The following CAMTA1 variants were observed in gnomAD, a reference collection of about 807,000 sequenced individuals.
The protein encoded by CAMTA1 is calmodulin-binding transcription activator 1.
In CAMTA1, 27 loss-of-function variants were observed where a neutral mutation model predicts 170.9. That is an observed-to-expected ratio of 0.16 (90% CI 0.12 to 0.22). The LOEUF is 0.22. Among genes scored for constraint, CAMTA1 ranks in the 10% least tolerant of loss-of-function variants. CAMTA1 has a pLI of 1.00. For missense variants in CAMTA1, 1,619 were observed against 2,217.2 expected (o/e 0.73, Z 5.42); for synonymous variants, 833 against 891.5 (o/e 0.93, Z 1.17).
chr1:6,798,966 G>C (rs994264261), intron 1 of CAMTA1, among the ~76,000 whole-genome samples: 1 of 152,178 alleles, frequency 6.6e-6, no homozygotes, highest in African/African-American at 2.4e-5. Context: ...TAGCTGTGAA[G>C]GCTTTGCACT....
chr1:7,193,550 CATG>C (rs1266397966), intron 4 of CAMTA1, among the ~76,000 whole-genome samples: 3 of 151,572 alleles, frequency 2.0e-5, no homozygotes, highest in Non-Finnish European at 4.4e-5. Context: ...TCATCAGAAA[CATG>C]AGGGGAGGGG....
At chr1:7,683,606 A>G (rs751482958) in intron 11 of CAMTA1, among the ~76,000 whole-genome samples, 6 of 151,918 alleles carry the variant, frequency 3.9e-5, no homozygotes, top group Non-Finnish European at 5.9e-5. Context: ...TGGTTAGCGC[A>G]TGGGCCCCTG....
At chr1:6,812,188 T>C (rs1645249948) in intron 1 of CAMTA1, among the ~76,000 whole-genome samples, 1 of 152,214 alleles carries the variant, frequency 6.6e-6, no homozygotes, top group Admixed American at 6.5e-5. Flanking sequence ...GAAGCGTTGC[T>C]GCATTATTAG....
chr1:7,221,167 A>G (rs1660694633), intron 4 of CAMTA1, among the ~76,000 whole-genome samples: 1 of 152,000 alleles, frequency 6.6e-6, no homozygotes, highest in South Asian at 2.1e-4. Context: ...GACCTTAGGC[A>G]GCAGGAATAC....
At chr1:7,749,666 G>GC in intron 19 of CAMTA1, 2 of 311,590 alleles carry the variant, frequency 6.4e-6, no homozygotes, top group Non-Finnish European at 1.2e-5. Flanking sequence ...TAGCCAGGTT[G>GC]CCTTTTTTTT....
At chr1:6,890,345 C>A (rs1229836064) in intron 3 of CAMTA1, among the ~76,000 whole-genome samples, 1 of 152,190 alleles carries the variant, frequency 6.6e-6, no homozygotes, top group Non-Finnish European at 1.5e-5. Flanking sequence ...CCATGAGGAA[C>A]CAGGACATCC....
chr1:7,044,464 A>C lies in CAMTA1; in HGVS notation c.235-46840A>C, dbSNP rs931405264. On this transcript the variant is annotated intron_variant, in intron 3 of 22. Coordinates refer to ENST00000303635, the MANE Select transcript of CAMTA1 (RefSeq NM_015215.4). The surrounding 1 kb of genome is among the most constrained non-coding windows in gnomAD (Gnocchi z 5.0). Reference sequence around the variant, plus strand: ...GCAGGGCAGTGCCACTGGGACCCAGATCATGCCCCTCTGCATGTAACCGAT... The same window carrying C: ...GCAGGGCAGTGCCACTGGGACCCAGCTCATGCCCCTCTGCATGTAACCGAT... Among the ~76,000 whole-genome samples, 3 of 152,172 alleles carry C rather than the reference A, an allele frequency of 2.0e-5. No individual in the cohort carries two copies.
chr1:6,877,171 C>T (rs1670144431), intron 3 of CAMTA1, among the ~76,000 whole-genome samples: 1 of 152,196 alleles, frequency 6.6e-6, no homozygotes, highest in African/African-American at 2.4e-5. Flanking sequence ...GTTGGAGAAA[C>T]AGTCAAAGTA....
chr1:7,301,546 C>T lies in CAMTA1; in HGVS notation c.438+51920C>T, dbSNP rs55726022. ...GTGCTGGTGCCTTGGGCTCAGCCAG[C>T]CCCTCAGATGACTTGTGTGGAGCCA... is the stretch of plus-strand genomic sequence containing the variant. On this transcript the variant is annotated intron_variant, in intron 5 of 22. Coordinates refer to ENST00000303635, the MANE Select transcript of CAMTA1 (RefSeq NM_015215.4). Among the ~76,000 whole-genome samples, 1,380 of 152,098 alleles carry T rather than the reference C, an allele frequency of 9.1e-3. 6 individuals carry two copies. Among genetic ancestry groups the T allele is most frequent in the Non-Finnish European group, 0.015 (1,040 of 68,002 alleles).
At chr1:7,141,155 G>A (rs751613661) in intron 4 of CAMTA1, among the ~76,000 whole-genome samples, 2 of 152,228 alleles carry the variant, frequency 1.3e-5, no homozygotes, top group South Asian at 2.1e-4. Flanking sequence ...CCTTTGGTTG[G>A]TCATACCTTC....
intron 3 of CAMTA1, among the ~76,000 whole-genome samples, chr1:7,012,749 A>G (rs1191527354): frequency 6.7e-6 from 1 of 148,274 alleles, no homozygotes; most frequent in Non-Finnish European, 1.5e-5. Flanking sequence ...GTTTCCCCCC[A>G]CTCTGAATTC....
At chr1:7,559,099 C>A (rs534482394) in intron 6 of CAMTA1, among the ~76,000 whole-genome samples, 4 of 152,298 alleles carry the variant, frequency 2.6e-5, no homozygotes, top group South Asian at 4.1e-4. Flanking sequence ...ACATGGCAGC[C>A]GCTCAGGAAG....
intron 9 of CAMTA1, among the ~76,000 whole-genome samples, chr1:7,670,361 C>T (rs1383431026): frequency 2.0e-5 from 3 of 152,198 alleles, no homozygotes; most frequent in Non-Finnish European, 2.9e-5. Flanking sequence ...CTCTTCAGCC[C>T]GTCCTGCTCC....
chr1:7,172,401 C>T (rs1276592920), intron 4 of CAMTA1, among the ~76,000 whole-genome samples: 2 of 152,328 alleles, frequency 1.3e-5, no homozygotes, highest in Non-Finnish European at 2.9e-5. Context: ...CTGCCCACCT[C>T]GGCCTCCCAA....
At chr1:7,376,745 G>A (rs2086870581) in intron 5 of CAMTA1, among the ~76,000 whole-genome samples, 1 of 152,300 alleles carries the variant, frequency 6.6e-6, no homozygotes, top group African/African-American at 2.4e-5. Flanking sequence ...TCTGTCCGAC[G>A]TCTTCCCCTG....
intron 5 of CAMTA1, among the ~76,000 whole-genome samples, chr1:7,285,949 C>T (rs140745032): frequency 1.5e-3 from 221 of 152,324 alleles, no homozygotes; most frequent in Non-Finnish European, 2.3e-3. Context: ...CACATGTGTC[C>T]TCTTTTCACA....
chr1:7,606,548 A>T (rs2095488109), intron 6 of CAMTA1, among the ~76,000 whole-genome samples: 1 of 152,202 alleles, frequency 6.6e-6, no homozygotes, highest in South Asian at 2.1e-4. Flanking sequence ...TCAGAGGCTG[A>T]GATTTTAAGT....
intron 4 of CAMTA1, among the ~76,000 whole-genome samples, chr1:7,110,046 G>T (rs1643917512): frequency 6.6e-6 from 1 of 152,168 alleles, no homozygotes. Flanking sequence ...GAGGTGGCCT[G>T]AGGTGTTTCT....
At chr1:7,675,852 G>A (rs1464886511) in intron 10 of CAMTA1, among the ~76,000 whole-genome samples, 1 of 152,168 alleles carries the variant, frequency 6.6e-6, no homozygotes, top group African/African-American at 2.4e-5. Context: ...GGGCTGCTGG[G>A]CTGGGACCCC....
Sources: allele counts gnomAD v4.1 joint callset (sites outside exome capture counted in the v4.1 genomes callset), GRCh38; gene constraint gnomAD v4.1.1; non-coding constraint Gnocchi (gnomAD v3.1); transcripts MANE v1.5; gene names NCBI Gene and HGNC (gene_info 2026-07-23, HGNC 2026-07-21).